Variants in AGBL4 observed in about 807,000 individuals in gnomAD.
The protein encoded by AGBL4 is AGBL carboxypeptidase 4.
In AGBL4, 58 loss-of-function variants were observed where a neutral mutation model predicts 66.4. The ratio of observed to expected loss-of-function variants is 0.87; its 90% CI spans 0.71 to 1.09. The LOEUF (loss-of-function observed/expected upper bound fraction) is 1.09. AGBL4 is among the 50% of genes least tolerant of loss of function. The pLI is 0.00. For missense variants in AGBL4, 579 were observed against 631.0 expected, an observed-to-expected ratio of 0.92 and a Z score of 0.88; for synonymous variants, 234 against 222.9, an observed-to-expected ratio of 1.05 and a Z score of -0.44.
chr1:48,579,954 C>T (rs1644714768), intron 11 of AGBL4, among the ~76,000 whole-genome samples: 1 of 151,428 alleles, frequency 6.6e-6, no homozygotes, highest in Non-Finnish European at 1.5e-5. Context: ...TCAATCCTAC[C>T]TGTTAGATAT....
intron 1 of AGBL4, among the ~76,000 whole-genome samples, chr1:49,927,565 G>A (rs972628134): frequency 1.3e-4 from 20 of 151,984 alleles, no homozygotes; most frequent in African/African-American, 4.8e-4. Flanking sequence ...TCTCCACCTG[G>A]TCCCACCCTT....
rs188044190 is a variant in AGBL4, at chr1:49,418,310, C to A, written c.283-172446G>T. On this transcript the variant is annotated intron_variant, in intron 3 of 13. Transcript: ENST00000371839. The stretch of plus-strand genomic sequence containing the variant: ...GCCACATCTCTTTAAGTGGTAGGAG[C>A]CTTCACATTGATTATCACCTTGACT... 6.0e-4 allele frequency among the ~76,000 whole-genome samples: 91 copies of A among 152,208 alleles called. 1 individual carries two copies. In the East Asian group the frequency reaches 0.014, roughly 24 times the overall value.
intron 1 of AGBL4, among the ~76,000 whole-genome samples, chr1:49,905,955 T>C (rs1466198386): frequency 6.6e-6 from 1 of 152,094 alleles, no homozygotes; most frequent in African/African-American, 2.4e-5. Flanking sequence ...AGTATGAGTA[T>C]GATTTTGAGC....
At chr1:49,012,790 T>G (rs1290489053) in intron 5 of AGBL4, among the ~76,000 whole-genome samples, 1 of 152,214 alleles carries the variant, frequency 6.6e-6, no homozygotes, top group African/African-American at 2.4e-5. Context: ...CTGGTTTGAA[T>G]GTTTGTCCCC....
At chr1:49,784,261 G>T (rs2147912066) in intron 2 of AGBL4, among the ~76,000 whole-genome samples, 1 of 152,140 alleles carries the variant, frequency 6.6e-6, no homozygotes, top group African/African-American at 2.4e-5. Context: ...AATACAATAT[G>T]GTACTGACAT....
chr1:48,814,983 C>T (rs922590507), intron 6 of AGBL4, among the ~76,000 whole-genome samples: 4 of 152,092 alleles, frequency 2.6e-5, no homozygotes, highest in African/African-American at 9.7e-5. Context: ...CCATACTGTT[C>T]TCCACAGTGG....
rs76193359 is a variant in AGBL4 at position 49,110,947 on chromosome 1, G to A, written c.378-65147C>T. On this transcript the variant is annotated intron_variant, in intron 4 of 13. Transcript: ENST00000371839. ...TTCCCAGGGTGTGATCTCCATAGAA[G>A]CCAATGTATTTTTTAAAAAGCATAT... Among the ~76,000 whole-genome samples, 20 of 152,072 alleles carry A rather than the reference G, an allele frequency of 1.3e-4. No homozygotes were observed. The East Asian group carries it at 3.9e-3, about 29-fold the overall frequency.
chr1:48,926,991 T>C lies in AGBL4; in HGVS notation c.595-59761A>G, dbSNP rs1395185123. Among the ~76,000 whole-genome samples, 7 of 152,114 alleles carry C rather than the reference T, an allele frequency of 4.6e-5. No homozygotes were observed. The East Asian group carries it at 9.7e-4, about 21-fold the overall frequency. On this transcript the variant is annotated intron_variant, in intron 5 of 13. Transcript: ENST00000371839. ...CTGAGAGAACTCTGGAGGTACCAGA[T>C]CTTTTGCCTCATCCTCTGATTTTTT...
chr1:49,697,312 C>T lies in AGBL4; in HGVS notation c.282+1G>A. 5 of 1,546,016 alleles carry T rather than the reference C, an allele frequency of 3.2e-6. No homozygotes were observed. Among genetic ancestry groups the T allele is most frequent in the Non-Finnish European group, 4.4e-6 (5 of 1,142,806 alleles). ...CTGAAGGTATCCACTATTTCCCTCA[C>T]CTGTGATTCTTTCACATTTTCAACA... On this transcript the variant is annotated splice_donor_variant, in intron 3 of 13. Transcript: ENST00000371839. LOFTEE classifies it high-confidence loss of function.
rs570138937 is a variant in AGBL4 at position 49,143,324 on chromosome 1, T to G, written c.378-97524A>C. On this transcript the variant is annotated intron_variant, in intron 4 of 13. Transcript: ENST00000371839. Reference sequence around the variant, plus strand: ...CTAGGTAACATCTCCTCATGAATATTTCAAGAGTTAACTCAAGGGTTGCTG... The same window carrying G: ...CTAGGTAACATCTCCTCATGAATATGTCAAGAGTTAACTCAAGGGTTGCTG... Among the ~76,000 whole-genome samples, 6 of 152,284 alleles carry G rather than the reference T, an allele frequency of 3.9e-5. No homozygotes were observed. In the South Asian group the frequency reaches 1.2e-3, roughly 32 times the overall value.
At chr1:48,735,819 G>A (rs1648951182) in intron 6 of AGBL4, among the ~76,000 whole-genome samples, 1 of 151,516 alleles carries the variant, frequency 6.6e-6, no homozygotes, top group African/African-American at 2.4e-5. Context: ...CCATCTCCAT[G>A]CCTTTGTTCA....
intron 2 of AGBL4, among the ~76,000 whole-genome samples, chr1:49,743,658 G>A (rs904486324): frequency 2.6e-5 from 4 of 152,052 alleles, no homozygotes; most frequent in African/African-American, 9.7e-5. Context: ...CAACCCAAAT[G>A]TCCAACAATG....
chr1:49,501,301 T>C (rs1648127230), intron 3 of AGBL4, among the ~76,000 whole-genome samples: 1 of 152,074 alleles, frequency 6.6e-6, no homozygotes, highest in African/African-American at 2.4e-5. Context: ...CTGAAAGAAT[T>C]ATGGTTTTAC....
At chr1:48,787,559 A>C (rs1469406351) in intron 6 of AGBL4, among the ~76,000 whole-genome samples, 1 of 152,214 alleles carries the variant, frequency 6.6e-6, no homozygotes, top group East Asian at 1.9e-4. Flanking sequence ...TTATATTATA[A>C]TGGAAAACTG....
In AGBL4 at chr1:49,598,658, G is replaced by T. The variant is rs575374720; in HGVS notation, c.282+98655C>A. Among the ~76,000 whole-genome samples, 12 of 152,218 alleles carry T rather than the reference G, an allele frequency of 7.9e-5. No individual in the cohort carries two copies. In the East Asian group the frequency reaches 1.6e-3, roughly 20 times the overall value. ...GTGCCTCCCAGTTAGGCTGCTCGGGGGTCAGGGGTCAGGGACCCACTTGAG... is the reference window on the plus strand; with the variant it reads ...GTGCCTCCCAGTTAGGCTGCTCGGGTGTCAGGGGTCAGGGACCCACTTGAG... On this transcript the variant is annotated intron_variant, in intron 3 of 13. Coordinates refer to ENST00000371839, the MANE Select transcript of AGBL4 (RefSeq NM_032785.4).
intron 11 of AGBL4, among the ~76,000 whole-genome samples, chr1:48,558,533 T>C (rs1480606658): frequency 6.6e-6 from 1 of 152,198 alleles, no homozygotes; most frequent in Non-Finnish European, 1.5e-5. Flanking sequence ...CAGTGATTAG[T>C]GACGTATGGC....
chr1:49,963,045 G>C (rs1200949484), intron 1 of AGBL4, among the ~76,000 whole-genome samples: 1 of 152,054 alleles, frequency 6.6e-6, no homozygotes, highest in Non-Finnish European at 1.5e-5. Flanking sequence ...TCCCATCACA[G>C]GCTTCTCTGG....
At chr1:49,987,388 C>A (rs180805690) in intron 1 of AGBL4, among the ~76,000 whole-genome samples, 41 of 152,088 alleles carry the variant, frequency 2.7e-4, no homozygotes, top group Non-Finnish European at 2.5e-4. Context: ...TTCCTAAAGG[C>A]AAATCAATTC....
At chr1:49,933,412 A>C (rs554263499) in intron 1 of AGBL4, among the ~76,000 whole-genome samples, 2 of 152,266 alleles carry the variant, frequency 1.3e-5, no homozygotes, top group South Asian at 4.1e-4. Flanking sequence ...AAGGGAATTC[A>C]ACAAAAGAAT....
Sources: allele counts gnomAD v4.1 joint callset (sites outside exome capture counted in the v4.1 genomes callset), GRCh38; gene constraint gnomAD v4.1.1; transcripts MANE v1.5; gene names NCBI Gene and HGNC (gene_info 2026-07-23, HGNC 2026-07-21).